The following ZMIZ1 variants were observed in gnomAD, a reference collection of about 807,000 sequenced individuals.
ZMIZ1 encodes the protein zinc finger MIZ domain-containing protein 1.
ZMIZ1 carries 17 observed loss-of-function variants against 113.9 expected under a neutral mutation model. The ratio of observed to expected loss-of-function variants is 0.15; its 90% CI spans 0.10 to 0.22. ZMIZ1 has a LOEUF of 0.22. ZMIZ1 is among the 10% of genes least tolerant of loss of function. ZMIZ1 has a pLI of 1.00. For synonymous variants in ZMIZ1, 607 were observed against 603.1 expected, an observed-to-expected ratio of 1.01 and a Z score of -0.09; for missense variants, 1,059 against 1,477.8, an observed-to-expected ratio of 0.72 and a Z score of 4.65.
chr10:79,298,212 T>TG (rs1012527512), intron 14 of ZMIZ1, among the ~76,000 whole-genome samples, 194 bp from the exon 15 acceptor site: 1 of 151,800 alleles, frequency 6.6e-6, no homozygotes, highest in African/African-American at 2.4e-5. Flanking sequence ...AGATGAAGGG[T>TG]GGGGAGGCCC....
In ZMIZ1 at chr10:79,307,539, G is replaced by A. The variant is rs1188424339; in HGVS notation, c.2803G>A (p.Glu935Lys). The A allele has an allele frequency of 6.9e-6, 11 of 1,592,552 alleles. No homozygotes were observed. The highest frequency in any genetic ancestry group is 1.5e-5 in the African/African-American group (1 of 67,406). The change falls in exon 23 of 25, where the codon GAG (glutamate) becomes AAG (lysine). Residue 935 changes from glutamate (E) to lysine (K), a missense_variant. Transcript: ENST00000334512. Reference sequence around the variant, plus strand: ...CATGCCCAACAACATGGCCGCCCTCGAGAAACCCCTCAGCCACCCCATGCA... The same window carrying A: ...CATGCCCAACAACATGGCCGCCCTCAAGAAACCCCTCAGCCACCCCATGCA... The part of the protein sequence containing the change: ...PDMPNNMAAL[E>K]KPLSHPMQET...
chr10:79,124,304 A>T (rs1352693315), intron 2 of ZMIZ1, among the ~76,000 whole-genome samples: 1 of 152,252 alleles, frequency 6.6e-6, no homozygotes, highest in Non-Finnish European at 1.5e-5. Context: ...TCAACAACCC[A>T]TTGAAGTTGG....
chr10:79,298,467 C>A lies in ZMIZ1; in HGVS notation c.1553C>A (p.Pro518His), dbSNP rs1307563352. 6.2e-7 allele frequency: 1 copy of A among 1,606,698 alleles called. No individual in the cohort carries two copies. Among genetic ancestry groups the A allele is most frequent in the South Asian group, 1.1e-5 (1 of 90,564 alleles). The change falls in exon 15 of 25, where the codon CCC becomes CAC. Residue 518 changes from proline to histidine, a missense_variant. Physicochemically the swap from Pro to His is moderately conservative, Grantham distance 77. Around this residue, in one of 6 missense-constraint regions of ZMIZ1, gnomAD observed 239 missense variants for 247.5 expected, o/e 0.97. Coordinates refer to ENST00000334512, the MANE Select transcript of ZMIZ1 (RefSeq NM_020338.4). ...TCACCTGTTCCAGGGAACCCCACAC[C>A]CCCCATGACCCCTGGGAGCAGCATC... ...PHSPVPGNPT[P>H]PMTPGSSIPP... is the part of the protein sequence containing the mutation.
Position 79,312,974 on chromosome 10 carries a change from C to T in ZMIZ1, c.*225C>T, listed in dbSNP as rs1855298795. 1 of 567,500 alleles carries T rather than the reference C, an allele frequency of 1.8e-6. No individual in the cohort carries two copies. Among genetic ancestry groups the T allele is most frequent in the African/African-American group, 1.9e-5 (1 of 53,182 alleles). 35.2% of individuals were successfully genotyped at this position (567,500 alleles called of 1,614,324 possible). On this transcript the variant is annotated 3_prime_UTR_variant, in exon 25 of 25. Coordinates refer to ENST00000334512, the MANE Select transcript of ZMIZ1 (RefSeq NM_020338.4). The stretch of plus-strand genomic sequence containing the variant: ...GGGTCTGGAGCCCACGTCCCACCTC[C>T]ACACCCTTGGCTTGGGCCCATGCCC...
At chr10:79,279,954 C>G (rs1852604982) in intron 8 of ZMIZ1, among the ~76,000 whole-genome samples, 2 of 150,002 alleles carry the variant, frequency 1.3e-5, no homozygotes, top group South Asian at 4.2e-4. Context: ...AGAGACCGTG[C>G]AAAGGGGAGA....
At chr10:79,158,583 AC>A (rs1177959771) in intron 3 of ZMIZ1, among the ~76,000 whole-genome samples, 1 of 152,152 alleles carries the variant, frequency 6.6e-6, no homozygotes, top group Non-Finnish European at 1.5e-5. Flanking sequence ...CCCTGGAGCC[AC>A]CCCTGGTCCT....
intron 7 of ZMIZ1, among the ~76,000 whole-genome samples, chr10:79,229,112 G>A (rs1285083432): frequency 6.6e-6 from 1 of 152,230 alleles, no homozygotes; most frequent in African/African-American, 2.4e-5. Flanking sequence ...GGCTGGAGCA[G>A]CAGCAATTCT....
At chr10:79,215,328 C>T (rs1848679545) in intron 6 of ZMIZ1, among the ~76,000 whole-genome samples, 1 of 146,730 alleles carries the variant, frequency 6.8e-6, no homozygotes, top group Admixed American at 6.8e-5. Flanking sequence ...GAGAAGGAGT[C>T]TTGCTGTTCT....
chr10:79,204,562 T>TG (rs1848234662), intron 5 of ZMIZ1, among the ~76,000 whole-genome samples: 1 of 152,164 alleles, frequency 6.6e-6, no homozygotes, highest in South Asian at 2.1e-4. Flanking sequence ...TCTGGAGCTA[T>TG]GGGCCCTGTA....
intron 2 of ZMIZ1, among the ~76,000 whole-genome samples, chr10:79,131,346 A>G (rs982036773): frequency 1.3e-5 from 2 of 150,768 alleles, no homozygotes; most frequent in African/African-American, 4.9e-5. Flanking sequence ...GATTGGGGAT[A>G]GGTGGGGGTG....
chr10:79,147,771 A>G (rs555261495), intron 3 of ZMIZ1, among the ~76,000 whole-genome samples: 1 of 152,322 alleles, frequency 6.6e-6, no homozygotes, highest in South Asian at 2.1e-4. Flanking sequence ...CGAGCCTCTC[A>G]TGGACCAAGC....
At chr10:79,087,868 G>A (rs66534009) in intron 1 of ZMIZ1, among the ~76,000 whole-genome samples, 20,140 of 152,082 alleles carry the variant, frequency 0.13, 1,467 homozygotes, top group East Asian at 0.19. Flanking sequence ...CCCTTGCCCC[G>A]GTTCCCCAGG....
intron 3 of ZMIZ1, among the ~76,000 whole-genome samples, chr10:79,147,028 G>A (rs12269411): frequency 0.015 from 2,231 of 151,996 alleles, 53 homozygotes; most frequent in African/African-American, 0.051. Context: ...GGTTTCTCTC[G>A]CTATTTGTCC....
At chr10:79,156,688 G>T (rs992383364) in intron 3 of ZMIZ1, among the ~76,000 whole-genome samples, 1 of 152,188 alleles carries the variant, frequency 6.6e-6, no homozygotes, top group Non-Finnish European at 1.5e-5. Context: ...GGTAAAGATC[G>T]ACAGGATGAT....
At chr10:79,232,690 G>A (rs1849438335) in intron 7 of ZMIZ1, among the ~76,000 whole-genome samples, 1 of 152,142 alleles carries the variant, frequency 6.6e-6, no homozygotes, top group African/African-American at 2.4e-5. Context: ...CTGCCAATCA[G>A]TTAAGGAGTT....
At chr10:79,104,808 G>C (rs1162223584) in intron 1 of ZMIZ1, among the ~76,000 whole-genome samples, 1 of 152,206 alleles carries the variant, frequency 6.6e-6, no homozygotes, top group Non-Finnish European at 1.5e-5. Flanking sequence ...CTAGTAGGAG[G>C]TGCACTGGGG....
chr10:79,241,067 A>G (rs11812395), intron 7 of ZMIZ1, among the ~76,000 whole-genome samples: 56,243 of 152,096 alleles, frequency 0.37, 12,387 homozygotes, highest in South Asian at 0.57. Context: ...AGAATGGGGA[A>G]GGGTTTGTGT....
intron 1 of ZMIZ1, among the ~76,000 whole-genome samples, chr10:79,071,401 G>T (rs1447730324): frequency 6.6e-6 from 1 of 152,240 alleles, no homozygotes; most frequent in Non-Finnish European, 1.5e-5. Context: ...TACTGTTTTT[G>T]AAGGTACAGA....
At chr10:79,178,512 G>T (rs773546012) in intron 4 of ZMIZ1, among the ~76,000 whole-genome samples, 3 of 152,166 alleles carry the variant, frequency 2.0e-5, no homozygotes, top group African/African-American at 7.2e-5. Context: ...GCTGGGCGGG[G>T]GTGAAGGAGG....
Sources: gnomAD v4.1 joint callset for allele counts (sites outside exome capture counted in the v4.1 genomes callset) on GRCh38, gnomAD v4.1.1 for gene constraint, gnomAD v4.1.1 regional missense constraint, MANE v1.5 for transcripts, NCBI Gene and HGNC (gene_info 2026-07-23, HGNC 2026-07-21) for gene names.